PTPRT: variants seen among roughly 807,000 people sequenced by gnomAD.
The protein encoded by PTPRT is protein tyrosine phosphatase receptor type T, also known as receptor-type tyrosine-protein phosphatase T.
A neutral mutation model predicts 176.8 loss-of-function variants in PTPRT; 56 were observed. The ratio of observed to expected loss-of-function variants is 0.32; its 90% CI spans 0.26 to 0.40. The LOEUF is 0.40. Among genes scored for constraint, PTPRT ranks in the 10% least tolerant of loss-of-function variants. PTPRT has a pLI of 1.00. For missense variants in PTPRT, 1,540 were observed against 1,908.2 expected (o/e 0.81, Z 3.60); for synonymous variants, 783 against 739.0 (o/e 1.06, Z -0.96).
intron 13 of PTPRT, among the ~76,000 whole-genome samples, chr20:42,269,678 C>T (rs7274743): frequency 1.3e-5 from 2 of 152,170 alleles, no homozygotes; most frequent in Non-Finnish European, 1.5e-5. Flanking sequence ...CTGGACTGGG[C>T]GTACCCATGG....
At chr20:43,083,339 T>TGTATACAC (rs1568773973) in intron 1 of PTPRT, among the ~76,000 whole-genome samples, 1 of 109,244 alleles carries the variant, frequency 9.2e-6, no homozygotes, top group South Asian at 3.1e-4. Context: ...TATATATATA[T>TGTATACAC]ATATATATAT....
At chr20:43,041,496 T>C (rs899476347) in intron 1 of PTPRT, among the ~76,000 whole-genome samples, 1 of 152,240 alleles carries the variant, frequency 6.6e-6, no homozygotes, top group African/African-American at 2.4e-5. Flanking sequence ...AAGTCCGCCC[T>C]GTCTCCCCAA....
chr20:42,389,620 C>T (rs141686784), intron 9 of PTPRT, among the ~76,000 whole-genome samples: 5 of 152,022 alleles, frequency 3.3e-5, no homozygotes, highest in South Asian at 2.1e-4. Flanking sequence ...GAGGACAAGG[C>T]GAGAGACTTC....
intron 1 of PTPRT, among the ~76,000 whole-genome samples, chr20:43,006,803 T>C (rs1030076929): frequency 6.6e-5 from 10 of 152,222 alleles, no homozygotes; most frequent in African/African-American, 2.2e-4. Context: ...GAAAGACATG[T>C]CCTTGCTGAG....
intron 7 of PTPRT, among the ~76,000 whole-genome samples, chr20:42,609,334 A>G (rs2073935557): frequency 6.6e-6 from 1 of 152,096 alleles, no homozygotes; most frequent in South Asian, 2.1e-4. Context: ...TCAGCCTCCC[A>G]AAGTGCTGGG....
intron 7 of PTPRT, among the ~76,000 whole-genome samples, chr20:42,648,817 G>GTTT (rs1439201331): frequency 7.3e-5 from 8 of 109,944 alleles, no homozygotes; most frequent in African/African-American, 3.6e-4. Context: ...TTTTGGTGTC[G>GTTT]TTGTTTTTTT....
intron 11 of PTPRT, among the ~76,000 whole-genome samples, chr20:42,350,227 T>G (rs6093627): frequency 1.5e-4 from 17 of 115,220 alleles, no homozygotes; most frequent in African/African-American, 3.2e-4. Context: ...TTTTTTTTTT[T>G]TTTTTTTTTT....
intron 12 of PTPRT, among the ~76,000 whole-genome samples, chr20:42,287,506 T>C (rs1170062246): frequency 6.6e-6 from 1 of 151,858 alleles, no homozygotes; most frequent in Non-Finnish European, 1.5e-5. Flanking sequence ...ATGTTCTCAC[T>C]CATATGCAGA....
intron 12 of PTPRT, among the ~76,000 whole-genome samples, chr20:42,291,948 T>TA (rs1211371471): frequency 6.6e-6 from 1 of 152,234 alleles, no homozygotes; most frequent in East Asian, 1.9e-4. Context: ...AGAATAGACT[T>TA]ACGGTGCAAG....
intron 1 of PTPRT, among the ~76,000 whole-genome samples, chr20:43,077,281 G>A (rs560492194): frequency 1.3e-5 from 2 of 152,252 alleles, no homozygotes; most frequent in South Asian, 4.1e-4. Context: ...CAACAAGGCA[G>A]GTCTTATTAG....
At chr20:43,028,541 G>A (rs2223557) in intron 1 of PTPRT, among the ~76,000 whole-genome samples, 6,358 of 152,166 alleles carry the variant, frequency 0.042, 423 homozygotes, top group African/African-American at 0.14. Flanking sequence ...CTTTTAAAAT[G>A]ACATAAGCAC....
At chr20:42,040,369 G>A in the PTPRT span, among the ~76,000 whole-genome samples, 1 of 152,138 alleles carries the variant, frequency 6.6e-6, no homozygotes, top group Non-Finnish European at 1.5e-5. Context: ...GGGCTAGCTT[G>A]GGGTCTGTTT....
chr20:42,587,198 T>C (rs796402475), intron 7 of PTPRT, among the ~76,000 whole-genome samples: 6 of 152,312 alleles, frequency 3.9e-5, no homozygotes, highest in African/African-American at 1.4e-4. Context: ...TTCCCACTCA[T>C]GACAAACTCT....
chr20:42,560,195 T>C (rs1441293477), intron 7 of PTPRT, among the ~76,000 whole-genome samples: 2 of 152,182 alleles, frequency 1.3e-5, no homozygotes, highest in Admixed American at 6.5e-5. Flanking sequence ...AGCCGACTTC[T>C]ACAGGTTGCC....
At chr20:42,202,748 G>A (rs1308686047) in intron 15 of PTPRT, among the ~76,000 whole-genome samples, 1 of 152,152 alleles carries the variant, frequency 6.6e-6, no homozygotes, top group Non-Finnish European at 1.5e-5. Context: ...AACTATAAAT[G>A]AGTATGTTTC....
rs1370490943 is a variant in PTPRT, at chr20:43,112,974, T to C, written c.88+76672A>G. Among the ~76,000 whole-genome samples, 5 of 152,088 alleles carry C rather than the reference T, an allele frequency of 3.3e-5. No individual in the cohort carries two copies. The South Asian group carries it at 1.0e-3, about 32-fold the overall frequency. The stretch of plus-strand genomic sequence containing the variant: ...TTTTGCATGTAACTCATTCATGATA[T>C]AAACGTGTCTCCTGGGGTTTTGCAT... On this transcript the variant is annotated intron_variant, in intron 1 of 30. Coordinates refer to ENST00000373187, the MANE Select transcript of PTPRT (RefSeq NM_007050.6).
intron 16 of PTPRT, among the ~76,000 whole-genome samples, chr20:42,170,879 T>C (rs985365332): frequency 5.3e-5 from 8 of 152,156 alleles, no homozygotes; most frequent in African/African-American, 1.9e-4. Context: ...TGTAAAGAGT[T>C]CTCCACCTAC....
chr20:42,883,424 C>T (rs1014349950), intron 2 of PTPRT, among the ~76,000 whole-genome samples: 1 of 151,904 alleles, frequency 6.6e-6, no homozygotes, highest in Non-Finnish European at 1.5e-5. Context: ...CATGGCCCCC[C>T]GGTTTCTGAA....
chr20:42,299,641 CTTTTTTTTTTT>C (rs34045854), intron 12 of PTPRT, among the ~76,000 whole-genome samples: 1 of 85,994 alleles, frequency 1.2e-5, no homozygotes, highest in Non-Finnish European at 2.1e-5. Context: ...GAACTTTTGC[CTTTTTTTTTTT>C]TTTTTTTTTT....
Sources: gnomAD v4.1 joint callset for allele counts (sites outside exome capture counted in the v4.1 genomes callset) on GRCh38, gnomAD v4.1.1 for gene constraint, MANE v1.5 for transcripts, NCBI Gene and HGNC (gene_info 2026-07-23, HGNC 2026-07-21) for gene names.